Variants in GLIS3 observed in about 807,000 individuals in gnomAD.
The protein encoded by GLIS3 is GLIS family zinc finger 3.
A neutral mutation model predicts 78.6 loss-of-function variants in GLIS3; 53 were observed. The ratio of observed to expected loss-of-function variants is 0.67; its 90% CI spans 0.54 to 0.85. GLIS3 has a LOEUF of 0.85. Ranked by LOEUF, GLIS3 falls within the 40% of genes least tolerant of loss-of-function variation. GLIS3 has a pLI of 0.00. For missense variants in GLIS3, 1,703 were observed against 1,231.1 expected (o/e 1.38, Z -5.74); for synonymous variants, 684 against 509.9 (o/e 1.34, Z -4.60).
intron 4 of GLIS3, among the ~76,000 whole-genome samples, chr9:4,089,983 G>A (rs1829361100): frequency 6.6e-6 from 1 of 152,208 alleles, no homozygotes; most frequent in African/African-American, 2.4e-5. Flanking sequence ...CGGCAGAGGG[G>A]TGCAATGTCC....
Position 4,265,088 on chromosome 9 carries a change from C to T in GLIS3, c.388+20950G>A, listed in dbSNP as rs1413872461. On this transcript the variant is annotated intron_variant, in intron 2 of 10. Transcript: ENST00000381971. ...TCGGGAGGCTGAGGCAGGAGAATGG[C>T]GTGAACCTGGGAGGTAGAGCTTGCA... Among the ~76,000 whole-genome samples the T allele has an allele frequency of 2.0e-5, 3 of 149,170 alleles. No individual in the cohort carries two copies. The Admixed American group carries it at 2.0e-4, about 10-fold the overall frequency.
At chr9:4,142,426 CAA>C (rs940531705) in intron 2 of GLIS3, among the ~76,000 whole-genome samples, 4 of 152,242 alleles carry the variant, frequency 2.6e-5, no homozygotes, top group African/African-American at 9.6e-5. Context: ...TCCTAATTAT[CAA>C]AGAGTCAATT....
chr9:4,136,646 G>A (rs765683566), intron 2 of GLIS3, among the ~76,000 whole-genome samples: 1 of 152,082 alleles, frequency 6.6e-6, no homozygotes, highest in Non-Finnish European at 1.5e-5. Flanking sequence ...CATGAAGGAA[G>A]AATGAGCACA....
At chr9:4,104,351 C>A (rs186328627) in intron 4 of GLIS3, among the ~76,000 whole-genome samples, 7 of 152,226 alleles carry the variant, frequency 4.6e-5, no homozygotes, top group Non-Finnish European at 1.0e-4. Context: ...CTCTATACCT[C>A]ATATGCAATT....
At chr9:4,089,386 ATGTG>A (rs758693393) in intron 4 of GLIS3, among the ~76,000 whole-genome samples, 2 of 152,198 alleles carry the variant, frequency 1.3e-5, no homozygotes, top group Non-Finnish European at 1.5e-5. Context: ...GAAAATGTAT[ATGTG>A]TGTGTATGTT....
intron 2 of GLIS3, among the ~76,000 whole-genome samples, chr9:4,270,549 G>A (rs978635996): frequency 1.3e-5 from 2 of 152,164 alleles, no homozygotes; most frequent in African/African-American, 2.4e-5. Context: ...CTCAAAGGTG[G>A]GTTGGACTGA....
Position 4,292,682 on chromosome 9 carries a change from A to G in GLIS3, c.-98-6159T>C, listed in dbSNP as rs562558125. 1.7e-3 allele frequency among the ~76,000 whole-genome samples: 265 copies of G among 152,310 alleles called. 3 individuals are homozygous for G. The highest frequency in any genetic ancestry group is 6.8e-3 in the Middle Eastern group (2 of 294). Reference sequence around the variant, plus strand: ...GATCAATTGTGCTCAATAAGTAATAACTGATCAACCAACTGACAGAATAAG... The same window carrying G: ...GATCAATTGTGCTCAATAAGTAATAGCTGATCAACCAACTGACAGAATAAG... On this transcript the variant is annotated intron_variant, in intron 1 of 10. Transcript: ENST00000381971.
chr9:4,117,734 A>G (rs762143783), intron 4 of GLIS3, 34 bp downstream of exon 4: 5 of 1,613,918 alleles, frequency 3.1e-6, no homozygotes, highest in African/African-American at 1.3e-5. Flanking sequence ...CCGGGCCTTC[A>G]AGAGAGGTCA....
intron 8 of GLIS3, among the ~76,000 whole-genome samples, chr9:3,863,676 T>A (rs1037761165): frequency 6.6e-6 from 1 of 152,188 alleles, no homozygotes; most frequent in Non-Finnish European, 1.5e-5. Flanking sequence ...TCACAAATAC[T>A]TTTTGAAGGA....
At chr9:4,060,987 T>C (rs1045295643) in intron 4 of GLIS3, among the ~76,000 whole-genome samples, 1 of 152,184 alleles carries the variant, frequency 6.6e-6, no homozygotes, top group Non-Finnish European at 1.5e-5. Flanking sequence ...GGCCTATCTC[T>C]TGCATGCTTC....
At chr9:4,026,230 C>G (rs12342189) in intron 4 of GLIS3, among the ~76,000 whole-genome samples, 1 of 152,162 alleles carries the variant, frequency 6.6e-6, no homozygotes, top group East Asian at 1.9e-4. Flanking sequence ...GATTTACCCA[C>G]GTAGTATTTA....
intron 2 of GLIS3, among the ~76,000 whole-genome samples, chr9:4,279,925 GATA>G (rs1022318525): frequency 6.6e-6 from 1 of 151,442 alleles, no homozygotes; most frequent in Admixed American, 6.6e-5. Context: ...AGGACAATTA[GATA>G]ATATCATAAA....
chr9:4,275,909 T>A (rs972296979), intron 2 of GLIS3, among the ~76,000 whole-genome samples: 1 of 152,130 alleles, frequency 6.6e-6, no homozygotes, highest in African/African-American at 2.4e-5. Context: ...TCAAATCACA[T>A]GAGATAATCA....
intron 2 of GLIS3, among the ~76,000 whole-genome samples, chr9:4,322,522 T>C (rs1487807501): frequency 6.6e-6 from 1 of 152,218 alleles, no homozygotes; most frequent in Non-Finnish European, 1.5e-5. Flanking sequence ...CCACCAATAG[T>C]GTAAAAGTCT....
chr9:4,399,468 G>A, the GLIS3 span, among the ~76,000 whole-genome samples: 2 of 152,296 alleles, frequency 1.3e-5, no homozygotes, highest in East Asian at 1.9e-4. Context: ...TTATGAATAT[G>A]AAATAATTTT....
At chr9:3,830,014 G>A (rs1411828995) in intron 9 of GLIS3, among the ~76,000 whole-genome samples, 1 of 152,170 alleles carries the variant, frequency 6.6e-6, no homozygotes, top group Non-Finnish European at 1.5e-5. Flanking sequence ...GGTAGACAGT[G>A]TTCCATAGTT....
chr9:4,024,187 A>AC (rs1374659233), intron 4 of GLIS3, among the ~76,000 whole-genome samples: 2 of 152,056 alleles, frequency 1.3e-5, no homozygotes, highest in East Asian at 3.9e-4. Context: ...AATCCATGCA[A>AC]CCCCCCAGTC....
At chr9:4,197,935 G>C (rs1398810353) in intron 2 of GLIS3, among the ~76,000 whole-genome samples, 1 of 142,950 alleles carries the variant, frequency 7.0e-6, no homozygotes, top group Non-Finnish European at 1.6e-5. Flanking sequence ...AAAGGGAAAG[G>C]GAGAGGGAAA....
the GLIS3 span, among the ~76,000 whole-genome samples, chr9:4,435,944 G>A: frequency 7.0e-6 from 1 of 141,980 alleles, no homozygotes; most frequent in Non-Finnish European, 1.6e-5. Context: ...GCCAGACTCC[G>A]TCTCAAAACA....
Sources: allele counts gnomAD v4.1 joint callset (sites outside exome capture counted in the v4.1 genomes callset), GRCh38; gene constraint gnomAD v4.1.1; transcripts MANE v1.5; gene names NCBI Gene and HGNC (gene_info 2026-07-23, HGNC 2026-07-21).